The following ABCC1 variants were observed in gnomAD, a reference collection of about 807,000 sequenced individuals.
ABCC1 encodes the protein ATP binding cassette subfamily C member 1 (ABCC1 blood group), also known as multidrug resistance-associated protein 1.
A neutral mutation model predicts 172.9 loss-of-function variants in ABCC1; 83 were observed. That is an observed-to-expected ratio of 0.48 (90% CI 0.40 to 0.58). The LOEUF is 0.58. ABCC1 is among the 20% of genes least tolerant of loss of function. The probability of loss-of-function intolerance (pLI) is 0.00; values close to 1 mark genes in which losing one functional copy is unlikely to be tolerated. For synonymous variants in ABCC1, 937 were observed against 825.2 expected (o/e 1.14, Z -2.32); for missense variants, 1,817 against 2,002.7 (o/e 0.91, Z 1.77).
At chr16:16,134,218 AG>A in intron 27 of ABCC1, 131 bp from the exon 28 acceptor site, 1 of 1,117,462 alleles carries the variant, frequency 8.9e-7, no homozygotes, top group South Asian at 1.4e-5. Flanking sequence ...GCAGCGCGCA[AG>A]GGAGAGGGCT....
chr16:15,960,723 G>A (rs1276377140), intron 1 of ABCC1, among the ~76,000 whole-genome samples: 1 of 152,188 alleles, frequency 6.6e-6, no homozygotes, highest in African/African-American at 2.4e-5. Flanking sequence ...TGTGGGGGAA[G>A]GGAGTCCCAG....
At position 16,012,485 on chromosome 16, in the gene ABCC1, A is replaced by AT. The variant is rs71674571; in HGVS notation, c.352-1989dup. 4.0e-3 allele frequency among the ~76,000 whole-genome samples: 551 copies of AT among 138,680 alleles called. 3 individuals carry two copies. The highest frequency in any genetic ancestry group is 8.7e-3 in the African/African-American group (335 of 38,540). 91.0% of individuals were successfully genotyped at this position (138,680 alleles called of 152,430 possible). On this transcript the variant is annotated intron_variant, in intron 3 of 30. Transcript: ENST00000399410. ...TTCTGGCAGTGGGGTATTAGAGTGG[A>AT]TTTTTTTTTTTTTTTTTCAATTTCA...
chr16:15,963,632 G>A (rs2046184616), intron 1 of ABCC1, among the ~76,000 whole-genome samples: 1 of 152,174 alleles, frequency 6.6e-6, no homozygotes, highest in African/African-American at 2.4e-5. Flanking sequence ...CCGAGGCTTG[G>A]GGCTTGCACC....
intron 1 of ABCC1, among the ~76,000 whole-genome samples, chr16:15,989,957 G>A (rs1032235074): frequency 6.6e-6 from 1 of 152,084 alleles, no homozygotes; most frequent in African/African-American, 2.4e-5. Flanking sequence ...TCTCACTGCA[G>A]CTTCCCACTC....
chr16:16,089,852 G>T (rs897665794), intron 18 of ABCC1, among the ~76,000 whole-genome samples: 2 of 148,912 alleles, frequency 1.3e-5, no homozygotes, highest in African/African-American at 5.0e-5. Flanking sequence ...CTGCACTCCA[G>T]CCTGGACAAC....
In ABCC1 at chr16:16,083,628, C is replaced by T. The variant is rs932108209; in HGVS notation, c.2292+86C>T. 5.9e-6 allele frequency: 9 copies of T among 1,517,718 alleles called. No individual in the cohort carries two copies. In the African/African-American group the frequency reaches 9.6e-5, roughly 16 times the overall value. The allele number at this position is 1,517,718 out of a possible 1,614,324, so 94.0% of individuals were successfully genotyped here. A position where few individuals can be genotyped will look rare whatever the true frequency, so the allele number is the denominator to read the frequency against. On this transcript the variant is annotated intron_variant, in intron 17 of 30. Coordinates refer to ENST00000399410, the MANE Select transcript of ABCC1 (RefSeq NM_004996.4). Reference sequence around the variant, plus strand: ...CTCACAATCTCAGTGGGCTGTGAGTCTGCTGCTATCAGCTGACCCGGCAGG... The same window carrying T: ...CTCACAATCTCAGTGGGCTGTGAGTTTGCTGCTATCAGCTGACCCGGCAGG...
rs560193338 is a variant in ABCC1, at chr16:16,027,468, GT to G, written c.616-5635del. Among the ~76,000 whole-genome samples, 1,025 of 152,194 alleles carry G rather than the reference GT, an allele frequency of 6.7e-3. 15 individuals carry two copies. The highest frequency in any genetic ancestry group is 0.024 in the African/African-American group (985 of 41,512). On this transcript the variant is annotated intron_variant, in intron 5 of 30. Coordinates refer to ENST00000399410, the MANE Select transcript of ABCC1 (RefSeq NM_004996.4). ...AGTGGTGTATTGTGAACCCACTGGG[GT>G]TTTTTCCCCCCCAAACACTTGAGCT...
chr16:16,043,011 G>A (rs776348041), intron 7 of ABCC1, among the ~76,000 whole-genome samples: 7 of 151,624 alleles, frequency 4.6e-5, no homozygotes, highest in Non-Finnish European at 7.4e-5. Flanking sequence ...ACAGGCAACC[G>A]CCACCATGCC....
At chr16:16,098,895 G>A (rs2051600521) in intron 19 of ABCC1, 1 of 1,352,128 alleles carries the variant, frequency 7.4e-7, no homozygotes, top group Non-Finnish European at 9.8e-7. Flanking sequence ...TGGACGAGGA[G>A]GAAGCAGGTC....
At chr16:16,124,538 C>T (rs12934619) in intron 24 of ABCC1, among the ~76,000 whole-genome samples, 2 of 152,192 alleles carry the variant, frequency 1.3e-5, no homozygotes, top group African/African-American at 2.4e-5. Context: ...AAGATTGCCT[C>T]TGGAGAGCTC....
intron 19 of ABCC1, among the ~76,000 whole-genome samples, chr16:16,092,471 GC>G (rs1447156917): frequency 6.6e-6 from 1 of 152,124 alleles, no homozygotes; most frequent in African/African-American, 2.4e-5. Context: ...TCATATAAAT[GC>G]CATCACAATA....
intron 1 of ABCC1, among the ~76,000 whole-genome samples, chr16:16,002,788 G>T (rs1386213356): frequency 7.9e-6 from 1 of 126,232 alleles, no homozygotes; most frequent in Admixed American, 7.9e-5. Context: ...AAAAAAAAAA[G>T]TTCAGTTTTT....
intron 5 of ABCC1, among the ~76,000 whole-genome samples, chr16:16,031,753 C>T (rs762813074): frequency 6.6e-5 from 10 of 152,208 alleles, no homozygotes; most frequent in African/African-American, 1.9e-4. Flanking sequence ...CTCTGACCTT[C>T]GTACACCAGA....
At chr16:16,044,940 G>T (rs2049140736) in intron 8 of ABCC1, among the ~76,000 whole-genome samples, 1 of 152,086 alleles carries the variant, frequency 6.6e-6, no homozygotes, top group African/African-American at 2.4e-5. Flanking sequence ...GTGAGCCATG[G>T]TCACTGCCTA....
At chr16:16,124,400 T>TGTGGGG (rs1555502642) in intron 24 of ABCC1, among the ~76,000 whole-genome samples, 1 of 130,396 alleles carries the variant, frequency 7.7e-6, no homozygotes, top group South Asian at 2.5e-4. Context: ...TGTGTGTGTG[T>TGTGGGG]GTGTGTGTGT....
intron 1 of ABCC1, among the ~76,000 whole-genome samples, chr16:15,956,360 G>C (rs980306151): frequency 6.7e-6 from 1 of 150,246 alleles, no homozygotes; most frequent in African/African-American, 2.5e-5. Flanking sequence ...GTAAGACTCT[G>C]TCTAAAAAAA....
In ABCC1 at chr16:16,141,752, C is replaced by G. The variant is rs2046134536; in HGVS notation, c.*471C>G. On this transcript the variant is annotated 3_prime_UTR_variant, in exon 31 of 31. Coordinates refer to ENST00000399410, the MANE Select transcript of ABCC1 (RefSeq NM_004996.4). ...TCACCTCTAACATCCTTGTCTGGGT[C>G]TACCAGGAACGCTTCATTTCCTTGG... 1 of 161,096 alleles carries G rather than the reference C, an allele frequency of 6.2e-6. No individual in the cohort carries two copies. The highest frequency in any genetic ancestry group is 1.4e-5 in the Non-Finnish European group (1 of 73,954). 10.0% of individuals were successfully genotyped at this position (161,096 alleles called of 1,614,324 possible). A position where few individuals can be genotyped will look rare whatever the true frequency, so the allele number is the denominator to read the frequency against.
At chr16:16,078,932 C>T (rs2050695963) in intron 15 of ABCC1, among the ~76,000 whole-genome samples, 1 of 152,196 alleles carries the variant, frequency 6.6e-6, no homozygotes, top group Non-Finnish European at 1.5e-5. Context: ...CTGCGTTGGC[C>T]TCCCAAAGTG....
chr16:15,994,828 A>G (rs1291679064), intron 1 of ABCC1, among the ~76,000 whole-genome samples: 2 of 149,248 alleles, frequency 1.3e-5, no homozygotes, highest in Non-Finnish European at 3.0e-5. Context: ...CAGTGGTGTG[A>G]TTTTGACTCA....
Sources: gnomAD v4.1 joint callset for allele counts (sites outside exome capture counted in the v4.1 genomes callset) on GRCh38, gnomAD v4.1.1 for gene constraint, MANE v1.5 for transcripts, NCBI Gene and HGNC (gene_info 2026-07-23, HGNC 2026-07-21) for gene names.